The following HACL2 variants were observed in gnomAD, a reference collection of about 807,000 sequenced individuals.
HACL2 encodes the protein 2-hydroxyacyl-CoA lyase 1 like.
the HACL2 span, chr19:15,115,511 C>T: frequency 6.2e-7 from 1 of 1,601,144 alleles, no homozygotes; most frequent in Non-Finnish European, 8.5e-7. Context: ...GAACACAAGC[C>T]CAGCTGGGAC....
the HACL2 span, among the ~76,000 whole-genome samples, chr19:15,121,677 C>T: frequency 2.7e-5 from 4 of 150,748 alleles, no homozygotes; most frequent in East Asian, 2.0e-4. Flanking sequence ...GGTGTGGTGG[C>T]GGGCGCCTGT....
At chr19:15,115,877 G>C in the HACL2 span, 1 of 1,614,080 alleles carries the variant, frequency 6.2e-7, no homozygotes. Context: ...TATCAAATTC[G>C]ATGAGGCTGT....
chr19:15,125,573 C>G, the HACL2 span: 1 of 155,430 alleles, frequency 6.4e-6, no homozygotes, highest in Non-Finnish European at 1.4e-5. Flanking sequence ...GCCTGATCCC[C>G]GACCCCGGGC....
chr19:15,119,250 C>G, the HACL2 span: 5 of 1,610,080 alleles, frequency 3.1e-6, no homozygotes, highest in Non-Finnish European at 4.2e-6. Flanking sequence ...CCTAACAGCC[C>G]CCGTGCCATC....
the HACL2 span, chr19:15,116,105 G>A: frequency 1.8e-5 from 29 of 1,613,074 alleles, no homozygotes; most frequent in East Asian, 6.7e-5. Context: ...GTGTGAAGGC[G>A]TCCTGATGGA....
At chr19:15,120,527 A>G in the HACL2 span, among the ~76,000 whole-genome samples, 1 of 152,168 alleles carries the variant, frequency 6.6e-6, no homozygotes, top group South Asian at 2.1e-4. Context: ...GGGAGTTCTG[A>G]ACACTGTCCT....
chr19:15,119,480 C>T, the HACL2 span: 1 of 1,614,094 alleles, frequency 6.2e-7, no homozygotes, highest in Non-Finnish European at 8.5e-7. Context: ...TCAGAGGCCT[C>T]TTGGCCCGGC....
At chr19:15,121,514 GGAA>G in the HACL2 span, among the ~76,000 whole-genome samples, 6 of 152,024 alleles carry the variant, frequency 3.9e-5, no homozygotes, top group Non-Finnish European at 4.4e-5. Flanking sequence ...AGAAAGGAAA[GGAA>G]GAAGAAGAAG....
chr19:15,117,224 A>C, the HACL2 span: 1 of 153,426 alleles, frequency 6.5e-6, no homozygotes, highest in Admixed American at 6.5e-5. Context: ...AGGGGACTAA[A>C]ATAAGGGGAG....
chr19:15,115,765 G>A, the HACL2 span: 2 of 1,576,006 alleles, frequency 1.3e-6, no homozygotes, highest in African/African-American at 2.7e-5. Flanking sequence ...TGCCAGAGAG[G>A]AGGCTCCCTC....
chr19:15,115,941 G>A, the HACL2 span: 1 of 1,614,120 alleles, frequency 6.2e-7, no homozygotes, highest in South Asian at 1.1e-5. Flanking sequence ...AGGGGACCCA[G>A]GATGGTTAGG....
chr19:15,116,797 C>T, the HACL2 span: 3 of 453,422 alleles, frequency 6.6e-6, no homozygotes, highest in Non-Finnish European at 1.2e-5. Flanking sequence ...CGTCCCCTCC[C>T]TCCACCTCCT....
chr19:15,122,519 C>G, the HACL2 span, among the ~76,000 whole-genome samples: 1 of 152,136 alleles, frequency 6.6e-6, no homozygotes, highest in Non-Finnish European at 1.5e-5. The surrounding 1 kb of genome is among the most constrained non-coding windows in gnomAD (Gnocchi z 4.0). Context: ...CCTACCCACC[C>G]AGTTCATTCC....
the HACL2 span, chr19:15,117,618 G>A: frequency 1.2e-4 from 42 of 344,512 alleles, no homozygotes; most frequent in South Asian, 7.2e-4. Context: ...GTTTGAGGGT[G>A]CAGTGAGCTG....
the HACL2 span, chr19:15,125,129 TC>T: frequency 7.0e-7 from 1 of 1,422,076 alleles, no homozygotes; most frequent in African/African-American, 1.5e-5. Flanking sequence ...CCGGAAGAAA[TC>T]GCGCCCCTTC....
At chr19:15,121,955 T>G in the HACL2 span, among the ~76,000 whole-genome samples, 1 of 144,636 alleles carries the variant, frequency 6.9e-6, no homozygotes, top group Non-Finnish European at 1.5e-5. Flanking sequence ...TGGAGTGCAG[T>G]AGCACGATCT....
the HACL2 span, chr19:15,120,046 C>G: frequency 6.4e-7 from 1 of 1,550,428 alleles, no homozygotes; most frequent in African/African-American, 1.4e-5. Context: ...CTCCCAGGCT[C>G]CTGCAAAGAG....
the HACL2 span, chr19:15,116,202 G>A: frequency 6.2e-6 from 10 of 1,613,756 alleles, no homozygotes; most frequent in South Asian, 5.5e-5. Flanking sequence ...ATGGGCAGCA[G>A]TGCCCACGAA....
the HACL2 span, chr19:15,115,344 C>T: frequency 1.3e-5 from 21 of 1,614,012 alleles, no homozygotes; most frequent in Admixed American, 1.7e-5. Flanking sequence ...TGCTGGGCAT[C>T]GTGCAGCACC....
Sources: gnomAD v4.1 joint callset for allele counts (sites outside exome capture counted in the v4.1 genomes callset) on GRCh38, gnomAD v4.1.1 for gene constraint, Gnocchi (gnomAD v3.1) non-coding constraint, MANE v1.5 for transcripts, NCBI Gene and HGNC (gene_info 2026-07-23, HGNC 2026-07-21) for gene names.